Variants in CDH18 observed in about 807,000 individuals in gnomAD.
The protein encoded by CDH18 is cadherin-18.
Under a neutral mutation model 67.9 loss-of-function variants are expected in CDH18, and 31 were observed. That is an observed-to-expected ratio of 0.46 (90% CI 0.34 to 0.62). CDH18 has a LOEUF of 0.62. Among genes scored for constraint, CDH18 ranks in the 20% least tolerant of loss-of-function variants. CDH18 has a pLI of 0.01. For synonymous variants in CDH18, 362 were observed against 347.2 expected (o/e 1.04, Z -0.48); for missense variants, 890 against 975.5 (o/e 0.91, Z 1.17).
chr5:20,252,085 C>A (rs969261763), intron 2 of CDH18, among the ~76,000 whole-genome samples: 12 of 152,064 alleles, frequency 7.9e-5, no homozygotes, highest in Middle Eastern at 3.4e-3. Context: ...TGCAAGGCAA[C>A]TGTATATAAA....
intron 6 of CDH18, among the ~76,000 whole-genome samples, chr5:19,594,484 T>G (rs1011028897): frequency 1.4e-4 from 22 of 152,312 alleles, no homozygotes; most frequent in African/African-American, 5.1e-4. Context: ...TCTCATTGTG[T>G]ATTCTTAGCA....
rs543468909 is a variant in CDH18 at position 19,878,817 on chromosome 5, T to C, written c.-256-39575A>G. Among the ~76,000 whole-genome samples, 15 of 152,188 alleles carry C rather than the reference T, an allele frequency of 9.9e-5. 1 individual carries two copies. The South Asian group carries it at 3.1e-3, about 32-fold the overall frequency. On this transcript the variant is annotated intron_variant, in intron 2 of 12. Coordinates refer to ENST00000382275, the MANE Select transcript of CDH18 (RefSeq NM_004934.5). ...ACTCTCATACCGGAAAGTCATTTTA[T>C]AAAAAAATCTTTTTTTGTGTGTCAC...
chr5:20,482,453 T>G (rs1240936262), intron 1 of CDH18, among the ~76,000 whole-genome samples: 1 of 151,990 alleles, frequency 6.6e-6, no homozygotes, highest in African/African-American at 2.4e-5. Context: ...AATACCCTGA[T>G]ACCAAAATTA....
At chr5:20,097,399 T>A (rs560634190) in intron 2 of CDH18, among the ~76,000 whole-genome samples, 1 of 152,122 alleles carries the variant, frequency 6.6e-6, no homozygotes, top group Non-Finnish European at 1.5e-5. Flanking sequence ...CAAGAGAGTA[T>A]GTGCAGGGGA....
intron 1 of CDH18, among the ~76,000 whole-genome samples, chr5:20,534,711 T>C (rs1030747816): frequency 1.3e-5 from 2 of 152,084 alleles, no homozygotes; most frequent in African/African-American, 2.4e-5. Context: ...TTTTTGCACA[T>C]TGTGCTTTTA....
At chr5:20,225,950 C>G (rs1741593035) in intron 2 of CDH18, among the ~76,000 whole-genome samples, 1 of 151,960 alleles carries the variant, frequency 6.6e-6, no homozygotes, top group Non-Finnish European at 1.5e-5. Flanking sequence ...TATGATCTTT[C>G]AGGAAGACGG....
chr5:20,504,053 A>C lies in CDH18; in HGVS notation c.-580+71409T>G, dbSNP rs564289555. Among the ~76,000 whole-genome samples, 14 of 151,368 alleles carry C rather than the reference A, an allele frequency of 9.2e-5. 1 individual carries two copies. In the South Asian group the frequency reaches 2.9e-3, roughly 32 times the overall value. On this transcript the variant is annotated intron_variant, in intron 1 of 14. Coordinates refer to the CDH18 transcript ENST00000507958. Reference sequence around the variant, plus strand: ...ACTCTGTCAAGAAAAAAAAAAAAAGAGAGAGAGAGAGTTAGTACTGCTGCT... The same window carrying C: ...ACTCTGTCAAGAAAAAAAAAAAAAGCGAGAGAGAGAGTTAGTACTGCTGCT...
Position 19,710,725 on chromosome 5 carries a change from C to T in CDH18, c.643+10622G>A, listed in dbSNP as rs553054473. Among the ~76,000 whole-genome samples, 12 of 151,998 alleles carry T rather than the reference C, an allele frequency of 7.9e-5. No homozygotes were observed. The East Asian group carries it at 1.5e-3, about 20-fold the overall frequency. On this transcript the variant is annotated intron_variant, in intron 5 of 12. Coordinates refer to ENST00000382275, the MANE Select transcript of CDH18 (RefSeq NM_004934.5). Reference sequence around the variant, plus strand: ...ATATTTATTTAAAAATAATAATCCACAAGTCATTTCTTCTACAAAACTTTT... The same window carrying T: ...ATATTTATTTAAAAATAATAATCCATAAGTCATTTCTTCTACAAAACTTTT...
intron 2 of CDH18, among the ~76,000 whole-genome samples, chr5:20,240,520 C>T (rs1006360447): frequency 6.6e-6 from 1 of 152,142 alleles, no homozygotes; most frequent in Non-Finnish European, 1.5e-5. Flanking sequence ...AATTTCATTA[C>T]TTCCTTCTTT....
At chr5:19,659,455 A>G (rs1756867228) in intron 5 of CDH18, among the ~76,000 whole-genome samples, 1 of 152,286 alleles carries the variant, frequency 6.6e-6, no homozygotes, top group Non-Finnish European at 1.5e-5. Context: ...TTTGATCAGT[A>G]TGAGATGTGT....
chr5:19,847,323 C>A (rs1043860179), intron 2 of CDH18, among the ~76,000 whole-genome samples: 6 of 152,094 alleles, frequency 3.9e-5, no homozygotes, highest in African/African-American at 1.2e-4. Flanking sequence ...ATATTCTCTC[C>A]ATAGACTGAA....
At chr5:19,833,469 G>A (rs1211859435) in intron 3 of CDH18, among the ~76,000 whole-genome samples, 1 of 152,148 alleles carries the variant, frequency 6.6e-6, no homozygotes, top group Non-Finnish European at 1.5e-5. Flanking sequence ...TCTGCAAACA[G>A]AGACAACTTC....
At chr5:19,632,308 T>C (rs1255860820) in intron 5 of CDH18, among the ~76,000 whole-genome samples, 1 of 152,196 alleles carries the variant, frequency 6.6e-6, no homozygotes, top group Non-Finnish European at 1.5e-5. Context: ...GGTGAGCTAT[T>C]TGTTTTGTTC....
intron 2 of CDH18, among the ~76,000 whole-genome samples, chr5:20,128,003 T>C (rs1384076631): frequency 6.6e-6 from 1 of 152,118 alleles, no homozygotes; most frequent in East Asian, 1.9e-4. Context: ...GGGATAGCCT[T>C]GCCTTCTCCT....
chr5:19,635,450 C>T (rs1753003384), intron 5 of CDH18, among the ~76,000 whole-genome samples: 1 of 152,108 alleles, frequency 6.6e-6, no homozygotes. Flanking sequence ...AAATTGTTAC[C>T]ATTTTTACCA....
At chr5:20,340,757 T>G (rs1266912447) in intron 1 of CDH18, among the ~76,000 whole-genome samples, 1 of 152,060 alleles carries the variant, frequency 6.6e-6, no homozygotes, top group Non-Finnish European at 1.5e-5. Context: ...CTTTCTGATC[T>G]CCCCTCCAAT....
intron 2 of CDH18, among the ~76,000 whole-genome samples, chr5:20,005,453 C>A (rs568450938): frequency 7.8e-4 from 115 of 147,492 alleles, no homozygotes; most frequent in African/African-American, 2.7e-3. Context: ...CACACACTTT[C>A]CATGAATTGA....
At chr5:19,803,997 T>G (rs934225373) in intron 3 of CDH18, 1 of 152,242 alleles carries the variant, frequency 6.6e-6, no homozygotes, top group East Asian at 1.9e-4. Flanking sequence ...GGCGGGCGCC[T>G]GTAGTCCCAG....
rs771093401 is a variant in CDH18 at position 20,220,007 on chromosome 5, T to C, written c.-518+35437A>G. ...CAAAAAAGGGAAAGATATTTTATAT[T>C]CATGAGTTGGAAGAGTTAATATTGT... On this transcript the variant is annotated intron_variant, in intron 2 of 14. Transcript: ENST00000507958. 6.6e-5 allele frequency among the ~76,000 whole-genome samples: 10 copies of C among 152,118 alleles called. No individual in the cohort carries two copies. The South Asian group carries it at 8.3e-4, about 13-fold the overall frequency.
Sources: allele counts gnomAD v4.1 joint callset (sites outside exome capture counted in the v4.1 genomes callset), GRCh38; gene constraint gnomAD v4.1.1; transcripts MANE v1.5; gene names NCBI Gene and HGNC (gene_info 2026-07-23, HGNC 2026-07-21).